Variants in CPSF4L observed in about 807,000 individuals in gnomAD.
CPSF4L encodes the protein putative cleavage and polyadenylation specificity factor subunit 4-like protein.
A neutral mutation model predicts 24.0 loss-of-function variants in CPSF4L; 18 were observed. That is an observed-to-expected ratio of 0.75 (90% CI 0.52 to 1.11). The LOEUF is 1.11. Ranked by LOEUF, CPSF4L falls within the 50% of genes least tolerant of loss-of-function variation. The pLI, the probability that CPSF4L is intolerant of heterozygous loss-of-function variation, is 0.00. For missense variants in CPSF4L, 211 were observed against 221.8 expected, an observed-to-expected ratio of 0.95 and a Z score of 0.31; for synonymous variants, 72 against 77.2, an observed-to-expected ratio of 0.93 and a Z score of 0.35.
At chr17:73,248,278 A>T, downstream of CPSF4L, 1 of 544,884 alleles carries the variant, frequency 1.8e-6, no homozygotes, top group Non-Finnish European at 3.3e-6. Context: ...TAAGACTGCT[A>T]CCCACAGAAG....
chr17:73,257,464 C>G (rs1355860030), intron 3 of CPSF4L, among the ~76,000 whole-genome samples: 1 of 150,836 alleles, frequency 6.6e-6, no homozygotes, highest in Non-Finnish European at 1.5e-5. Context: ...CTGGTATGCA[C>G]CTTGATCCAG....
At chr17:73,253,217 G>C (rs2062012145) in intron 4 of CPSF4L, among the ~76,000 whole-genome samples, 1 of 152,120 alleles carries the variant, frequency 6.6e-6, no homozygotes, top group Non-Finnish European at 1.5e-5. Context: ...AAAATTAGCT[G>C]GGCATGGTGG....
At chr17:73,242,363 G>A in the CPSF4L span, 1 of 1,520,632 alleles carries the variant, frequency 6.6e-7, no homozygotes, top group Non-Finnish European at 8.9e-7. Context: ...TGAGGCTGGA[G>A]TTTGACTGTT....
At chr17:73,243,093 T>TC in the CPSF4L span, 149 of 991,310 alleles carry the variant, frequency 1.5e-4, 1 homozygote, top group African/African-American at 2.3e-3. Flanking sequence ...TTTTTTTTTT[T>TC]TTTTTTTTAC....
chr17:73,242,502 T>G, the CPSF4L span: 1 of 534,114 alleles, frequency 1.9e-6, no homozygotes, highest in Non-Finnish European at 3.2e-6. Flanking sequence ...CTGTGTTCAT[T>G]TTGGAGTTGG....
At chr17:73,250,053 C>A in intron 5 of CPSF4L, 1 of 498,480 alleles carries the variant, frequency 2.0e-6, no homozygotes, top group Non-Finnish European at 3.5e-6. Flanking sequence ...GCCAATCTGC[C>A]TCCAAACCTG....
downstream of CPSF4L, chr17:73,247,554 G>A: frequency 2.0e-6 from 1 of 506,238 alleles, no homozygotes; most frequent in South Asian, 2.5e-5. Flanking sequence ...TAATGAAAAG[G>A]TTTAACTTAG....
At chr17:73,256,854 C>G (rs1308256132) in intron 3 of CPSF4L, among the ~76,000 whole-genome samples, 1 of 152,066 alleles carries the variant, frequency 6.6e-6, no homozygotes, top group Non-Finnish European at 1.5e-5. Context: ...TGGCAAAACC[C>G]CGTCTCTACT....
rs561346410 is a variant in CPSF4L at position 73,251,888 on chromosome 17, C to G, written c.497+742G>C. ...GCCAGCCCTGATTCCAAAAACCATGCGTGCTACCCAGCTAGCAGAAGGAAA... is the reference window on the plus strand; with the variant it reads ...GCCAGCCCTGATTCCAAAAACCATGGGTGCTACCCAGCTAGCAGAAGGAAA... On this transcript the variant is annotated intron_variant, in intron 5 of 5. Coordinates refer to ENST00000344935, the MANE Select transcript of CPSF4L (RefSeq NM_001129885.1). 4.6e-5 allele frequency among the ~76,000 whole-genome samples: 7 copies of G among 152,332 alleles called. No homozygotes were observed. In the South Asian group the frequency reaches 1.4e-3, roughly 32 times the overall value.
intron 5 of CPSF4L, 91 bp downstream of exon 5, chr17:73,252,539 C>T: frequency 1.2e-6 from 1 of 810,516 alleles, no homozygotes; most frequent in Non-Finnish European, 2.1e-6. Flanking sequence ...TCATTTTCCA[C>T]TAAGGACCAG....
intron 3 of CPSF4L, among the ~76,000 whole-genome samples, chr17:73,255,352 C>T (rs534616971): frequency 2.6e-4 from 40 of 151,824 alleles, no homozygotes; most frequent in African/African-American, 8.5e-4. Context: ...ACTAAAAATA[C>T]AAAAATTAGC....
downstream of CPSF4L, chr17:73,245,584 T>C: frequency 3.0e-6 from 3 of 985,422 alleles, no homozygotes; most frequent in Non-Finnish European, 3.6e-6. Flanking sequence ...GACTACTACC[T>C]ATATGTTGAT....
Position 73,252,622 on chromosome 17 carries a change from A to T in CPSF4L, c.497+8T>A. The T allele has an allele frequency of 6.5e-7, 1 of 1,528,532 alleles. No individual in the cohort carries two copies. The highest frequency in any genetic ancestry group is 8.9e-7 in the Non-Finnish European group (1 of 1,125,870). The allele number at this position is 1,528,532 out of a possible 1,614,324, so 94.7% of individuals were successfully genotyped here. A position where few individuals can be genotyped will look rare whatever the true frequency, so the allele number is the denominator to read the frequency against. On this transcript the variant is annotated splice_region_variant and intron_variant, in intron 5 of 5. Coordinates refer to ENST00000344935, the MANE Select transcript of CPSF4L (RefSeq NM_001129885.1). ...GGTGGGAGTTGGTAACTGAGGGATC[A>T]TACTTACTGAGCAAATTGGCACTTG...
intron 1 of CPSF4L, among the ~76,000 whole-genome samples, 185 bp downstream of exon 1, chr17:73,261,531 G>T (rs529272728): frequency 5.3e-5 from 8 of 152,298 alleles, no homozygotes; most frequent in African/African-American, 1.9e-4. Flanking sequence ...CGTGGTGGCG[G>T]GCGCCTGTAG....
chr17:73,249,578 G>A (rs1190708196), intron 5 of CPSF4L, among the ~76,000 whole-genome samples: 6 of 152,048 alleles, frequency 3.9e-5, no homozygotes, highest in African/African-American at 1.5e-4. Context: ...CAAGGTGGGG[G>A]GCCAGTTCTT....
At chr17:73,257,535 A>G in intron 3 of CPSF4L, 146 bp downstream of exon 3, 1 of 775,798 alleles carries the variant, frequency 1.3e-6, no homozygotes, top group Non-Finnish European at 2.0e-6. Context: ...TTTGGAGAAC[A>G]GACACCTGAG....
At chr17:73,261,065 T>A in intron 1 of CPSF4L, 82 bp from the exon 2 acceptor site, 1 of 1,166,230 alleles carries the variant, frequency 8.6e-7, no homozygotes, top group Non-Finnish European at 1.2e-6. Context: ...CATCGGCATG[T>A]CCCACCTAGA....
At chr17:73,249,888 T>A (rs979039922) in intron 5 of CPSF4L, 7 of 183,676 alleles carry the variant, frequency 3.8e-5, no homozygotes, top group Admixed American at 3.6e-4. Context: ...TGCCAGTTGA[T>A]AGCGGCAGCT....
At chr17:73,256,957 G>C (rs1384232750) in intron 3 of CPSF4L, among the ~76,000 whole-genome samples, 1 of 152,164 alleles carries the variant, frequency 6.6e-6, no homozygotes, top group South Asian at 2.1e-4. Flanking sequence ...AACCCGGGAG[G>C]TGGAGATTGC....
Sources: gnomAD v4.1 joint callset for allele counts (sites outside exome capture counted in the v4.1 genomes callset) on GRCh38, gnomAD v4.1.1 for gene constraint, MANE v1.5 for transcripts, NCBI Gene and HGNC (gene_info 2026-07-23, HGNC 2026-07-21) for gene names.